Variants in CNTN3 observed in about 807,000 individuals in gnomAD.
The protein encoded by CNTN3 is contactin-3.
CNTN3 carries 60 observed loss-of-function variants against 119.1 expected under a neutral mutation model. That is an observed-to-expected ratio of 0.50 (90% CI 0.41 to 0.62). CNTN3 has a LOEUF of 0.62. Among genes scored for constraint, CNTN3 ranks in the 20% least tolerant of loss-of-function variants. CNTN3 has a pLI of 0.00. For missense variants in CNTN3, 1,101 were observed against 1,242.4 expected (o/e 0.89, Z 1.71); for synonymous variants, 450 against 438.7 (o/e 1.03, Z -0.32).
intron 20 of CNTN3, among the ~76,000 whole-genome samples, chr3:74,273,194 T>G (rs1246976685): frequency 6.6e-6 from 1 of 152,176 alleles, no homozygotes; most frequent in Non-Finnish European, 1.5e-5. Flanking sequence ...AGTCATTTAA[T>G]AAAAACCGTC....
At chr3:74,423,168 G>A (rs561620844) in intron 5 of CNTN3, among the ~76,000 whole-genome samples, 18 of 152,320 alleles carry the variant, frequency 1.2e-4, no homozygotes, top group Non-Finnish European at 2.2e-4. Context: ...CCAACGGATT[G>A]AGTTTTCAGG....
chr3:74,613,618 C>T (rs960976811), intron 1 of CNTN3, among the ~76,000 whole-genome samples: 18 of 152,144 alleles, frequency 1.2e-4, no homozygotes, highest in African/African-American at 4.1e-4. Context: ...GAGAGTTGTA[C>T]GGAGCTTTGC....
intron 13 of CNTN3, among the ~76,000 whole-genome samples, chr3:74,324,648 T>A (rs1380970831): frequency 6.6e-6 from 1 of 152,198 alleles, no homozygotes. Context: ...CCCAAAATAG[T>A]CTTCTGTAAC....
At chr3:74,350,457 C>T (rs1703787662) in intron 11 of CNTN3, among the ~76,000 whole-genome samples, 1 of 152,144 alleles carries the variant, frequency 6.6e-6, no homozygotes, top group African/African-American at 2.4e-5. Flanking sequence ...AAAGGGAACA[C>T]ATATACTGCT....
intron 4 of CNTN3, among the ~76,000 whole-genome samples, chr3:74,482,360 C>A (rs62268676): frequency 0.36 from 54,296 of 151,684 alleles, 11,983 homozygotes; most frequent in Non-Finnish European, 0.5. Flanking sequence ...GACGGCATCA[C>A]TATCCCAGTA....
At chr3:74,562,487 T>C (rs1402684484) in intron 1 of CNTN3, among the ~76,000 whole-genome samples, 1 of 152,184 alleles carries the variant, frequency 6.6e-6, no homozygotes, top group African/African-American at 2.4e-5. Flanking sequence ...AAATGATTAT[T>C]GAAAATAATT....
chr3:74,580,549 C>T (rs868719720), intron 1 of CNTN3, among the ~76,000 whole-genome samples: 5 of 152,054 alleles, frequency 3.3e-5, no homozygotes, highest in South Asian at 2.1e-4. Flanking sequence ...ATTTTAAAAA[C>T]GCAGTTGTCC....
chr3:74,555,090 G>T (rs533432037), intron 1 of CNTN3, among the ~76,000 whole-genome samples: 2 of 152,048 alleles, frequency 1.3e-5, no homozygotes, highest in African/African-American at 2.4e-5. Context: ...ACGTTCAATC[G>T]ATACCTAGTT....
chr3:74,442,901 A>G (rs1701990557), intron 4 of CNTN3, among the ~76,000 whole-genome samples: 1 of 152,218 alleles, frequency 6.6e-6, no homozygotes, highest in South Asian at 2.1e-4. Context: ...ACAGTAAGTG[A>G]CAGATCTGGG....
chr3:74,377,576 C>T (rs1361706582), intron 5 of CNTN3, among the ~76,000 whole-genome samples: 1 of 152,186 alleles, frequency 6.6e-6, no homozygotes, highest in African/African-American at 2.4e-5. Context: ...CTAGTCTTTA[C>T]AAAACCTTTC....
intron 16 of CNTN3, 39 bp from the exon 17 acceptor site, chr3:74,299,977 C>T: frequency 7.8e-7 from 1 of 1,276,174 alleles, no homozygotes. Flanking sequence ...ATGGTACTTG[C>T]ATTTAGTAAT....
At chr3:74,556,450 G>A (rs1031796101) in intron 1 of CNTN3, among the ~76,000 whole-genome samples, 4 of 152,106 alleles carry the variant, frequency 2.6e-5, no homozygotes, top group African/African-American at 9.7e-5. Flanking sequence ...GTATTTTCAA[G>A]GTACATTCAT....
At chr3:74,524,240 C>T (rs79672374) in intron 1 of CNTN3, among the ~76,000 whole-genome samples, 7,050 of 151,906 alleles carry the variant, frequency 0.046, 171 homozygotes, top group South Asian at 0.065. Context: ...TGAAAACTCA[C>T]TCATTCAGTA....
intron 1 of CNTN3, among the ~76,000 whole-genome samples, chr3:74,587,954 T>C (rs1704625425): frequency 6.6e-6 from 1 of 152,112 alleles, no homozygotes; most frequent in Non-Finnish European, 1.5e-5. Flanking sequence ...CTCTTATTAT[T>C]TTGAGATACG....
At chr3:74,269,106 T>C (rs1303376208) in intron 20 of CNTN3, among the ~76,000 whole-genome samples, 1 of 151,892 alleles carries the variant, frequency 6.6e-6, no homozygotes, top group Non-Finnish European at 1.5e-5. Flanking sequence ...TCTAACTTTG[T>C]TCTTTTTGAA....
chr3:74,400,784 G>A (rs571483573), intron 5 of CNTN3, among the ~76,000 whole-genome samples: 1 of 152,254 alleles, frequency 6.6e-6, no homozygotes, highest in East Asian at 1.9e-4. Flanking sequence ...ACTACCTTGA[G>A]TTACAAAGGT....
intron 4 of CNTN3, among the ~76,000 whole-genome samples, chr3:74,463,202 GCTAATTTGTAT>G (rs1702403363): frequency 6.6e-6 from 1 of 152,094 alleles, no homozygotes; most frequent in Non-Finnish European, 1.5e-5. Flanking sequence ...TCTAGACTTT[GCTAATTTGTAT>G]GTTGTGTATG....
intron 11 of CNTN3, among the ~76,000 whole-genome samples, chr3:74,352,640 C>T (rs1703844497): frequency 6.6e-6 from 1 of 152,154 alleles, no homozygotes; most frequent in Non-Finnish European, 1.5e-5. Context: ...CAGAGCCGGA[C>T]ATAATACCCA....
At chr3:74,526,985 TAGAC>T (rs550084217) in intron 1 of CNTN3, among the ~76,000 whole-genome samples, 48 of 152,038 alleles carry the variant, frequency 3.2e-4, no homozygotes, top group African/African-American at 1.1e-3. Context: ...CAAATGCACA[TAGAC>T]AGACATAAGC....
Sources: gnomAD v4.1 joint callset for allele counts (sites outside exome capture counted in the v4.1 genomes callset) on GRCh38, gnomAD v4.1.1 for gene constraint, MANE v1.5 for transcripts, NCBI Gene and HGNC (gene_info 2026-07-23, HGNC 2026-07-21) for gene names.